Variants in NRDE2 observed in about 807,000 individuals in gnomAD.
NRDE2 encodes the protein NRDE-2, necessary for RNA interference, domain containing, also known as nuclear exosome regulator NRDE2.
Under a neutral mutation model 124.2 loss-of-function variants are expected in NRDE2, and 76 were observed. That is an observed-to-expected ratio of 0.61 (90% CI 0.51 to 0.74). The LOEUF (loss-of-function observed/expected upper bound fraction) is 0.74. Ranked by LOEUF, NRDE2 falls within the 30% of genes least tolerant of loss-of-function variation. NRDE2 has a pLI of 0.00. For synonymous variants in NRDE2, 489 were observed against 528.1 expected (o/e 0.93, Z 1.01); for missense variants, 1,314 against 1,417.3 (o/e 0.93, Z 1.17).
In NRDE2 at chr14:90,272,525, T is replaced by A; in HGVS notation, c.*5811A>T. 2 of 657,668 alleles carry A rather than the reference T, an allele frequency of 3.0e-6. No homozygotes were observed. Among genetic ancestry groups the A allele is most frequent in the Non-Finnish European group, 5.2e-6 (2 of 385,052 alleles). 40.7% of individuals were successfully genotyped at this position (657,668 alleles called of 1,614,324 possible). On this transcript the variant is annotated 3_prime_UTR_variant, in exon 14 of 14. Transcript: ENST00000354366. This position sits in a 1 kb window ranked among gnomAD's most constrained non-coding sequence, Gnocchi z 4.5. The stretch of plus-strand genomic sequence containing the variant: ...CCCACTGATTTTTATTAGCAAAACA[T>A]CCTGTGTCTTTTGGAGTACGATGTG...
At chr14:90,310,613 C>G (rs1321813884) in intron 4 of NRDE2, among the ~76,000 whole-genome samples, 1 of 151,800 alleles carries the variant, frequency 6.6e-6, no homozygotes, top group African/African-American at 2.4e-5. Flanking sequence ...CTCCATCTCC[C>G]AGGTTCAAGC....
intron 9 of NRDE2, among the ~76,000 whole-genome samples, chr14:90,290,931 T>G (rs565482970): frequency 6.6e-6 from 1 of 152,348 alleles, no homozygotes; most frequent in African/African-American, 2.4e-5. Context: ...TCTAGAAACA[T>G]GTTCACTTCT....
At chr14:90,328,077 A>G (rs943192877) in intron 1 of NRDE2, among the ~76,000 whole-genome samples, 38 of 151,568 alleles carry the variant, frequency 2.5e-4, no homozygotes, top group African/African-American at 9.2e-4. Context: ...CGGGAGGCGG[A>G]GCTTGCAGTG....
Position 90,278,313 on chromosome 14 carries a change from A to G in NRDE2, c.*23T>C, listed in dbSNP as rs1280362761. 5.0e-6 allele frequency: 8 copies of G among 1,613,846 alleles called. No individual in the cohort carries two copies. The highest frequency in any genetic ancestry group is 5.9e-6 in the Non-Finnish European group (7 of 1,179,924). On this transcript the variant is annotated 3_prime_UTR_variant, in exon 14 of 14. Transcript: ENST00000354366. Reference sequence around the variant, plus strand: ...GGGTGGGCAACTTGGCCTCGCAGGCACAGCCCGTTTTCCCGCTGCTCTCTA... The same window carrying G: ...GGGTGGGCAACTTGGCCTCGCAGGCGCAGCCCGTTTTCCCGCTGCTCTCTA...
chr14:90,268,564 G>A lies in NRDE2; in HGVS notation c.*9772C>T. ...GCATGCTTTAGGCTCTGCTCTCCCA[G>A]GAGCCAGCTAACAACTGCCCAGTAA... On this transcript the variant is annotated 3_prime_UTR_variant, in exon 14 of 14. Coordinates refer to ENST00000354366, the MANE Select transcript of NRDE2 (RefSeq NM_017970.4). 1 of 715,940 alleles carries A rather than the reference G, an allele frequency of 1.4e-6. No individual in the cohort carries two copies. 44.3% of individuals were successfully genotyped at this position (715,940 alleles called of 1,614,324 possible).
Position 90,288,869 on chromosome 14 carries a change from G to T in NRDE2, c.2506C>A (p.Pro836Thr), listed in dbSNP as rs138749229. The change falls in exon 11 of 14, where the codon CCA becomes ACA. Residue 836 changes from proline (P) to threonine (T), a missense_variant. Pro to Thr is a conservative substitution (Grantham distance 38). Coordinates refer to ENST00000354366, the MANE Select transcript of NRDE2 (RefSeq NM_017970.4). Reference protein sequence around the residue: ...LYAELEVELSPEVRRAATARA... With the variant: ...LYAELEVELSTEVRRAATARA... ...GCTGTGGCAGCCCTTCTCACTTCTG[G>T]CGACAGCTCCACCTCCAGCTCAGCA... The T allele has an allele frequency of 1.4e-4, 219 of 1,614,028 alleles. No individual in the cohort carries two copies. The highest frequency in any genetic ancestry group is 1.8e-4 in the Non-Finnish European group (213 of 1,180,042).
chr14:90,331,494 T>C (rs796087088), intron 1 of NRDE2, among the ~76,000 whole-genome samples: 1 of 152,362 alleles, frequency 6.6e-6, no homozygotes, highest in South Asian at 2.1e-4. Context: ...TGCATTTGCA[T>C]CAAGGGTTTC....
chr14:90,286,947 T>C (rs1287827632), intron 11 of NRDE2, among the ~76,000 whole-genome samples: 2 of 144,648 alleles, frequency 1.4e-5, no homozygotes, highest in Non-Finnish European at 3.0e-5. Flanking sequence ...GGCAGGAGAA[T>C]TGCTTGAACC....
At position 90,304,105 on chromosome 14, in the gene NRDE2, T is replaced by C. The variant is rs761651321; in HGVS notation, c.835A>G (p.Thr279Ala). 9.3e-6 allele frequency: 15 copies of C among 1,614,176 alleles called. 1 individual carries two copies. The highest frequency in any genetic ancestry group is 4.5e-5 in the East Asian group (2 of 44,882). ...CCCTGTCCTTGTAGCCAATGTGTGG[T>C]TGACTGATCATAAATCCCCAGAGGA... ...LNPLGIYDQS[T>A]THWLQGQGPP... The change falls in exon 5 of 14, where the codon ACC (threonine) becomes GCC (alanine). Residue 279 changes from threonine (T) to alanine (A), a missense_variant. Thr to Ala is a moderately conservative substitution (Grantham distance 58). Coordinates refer to ENST00000354366, the MANE Select transcript of NRDE2 (RefSeq NM_017970.4).
intron 1 of NRDE2, among the ~76,000 whole-genome samples, chr14:90,321,249 G>C (rs1418684712): frequency 6.6e-6 from 1 of 151,992 alleles, no homozygotes; most frequent in Non-Finnish European, 1.5e-5. Context: ...TTTTAAATTT[G>C]AGAGATGGGG....
rs552079823 is a variant in NRDE2, at chr14:90,298,196, T to C, written c.1666+64A>G. On this transcript the variant is annotated intron_variant, in intron 8 of 13. Transcript: ENST00000354366. The stretch of plus-strand genomic sequence containing the variant: ...AATAGCTTAAGCAGATAAATAATCA[T>C]GAGGATGTAAAAACAAATTCCAGAA... 1.1e-4 allele frequency: 169 copies of C among 1,543,566 alleles called. No individual in the cohort carries two copies. The African/African-American group carries it at 2.1e-3, about 19-fold the overall frequency.
At position 90,288,776 on chromosome 14, in the gene NRDE2, A is replaced by T; in HGVS notation, c.2599T>A (p.Leu867Met). ...CGCGCTTTCAAAATGTGAACAGCCA[A>T]CACCTGTCCAGTGTAGGGCCCATAG... Reference protein sequence around the residue: ...SPYGPYTGQVLAVHILKARKA... With the variant: ...SPYGPYTGQVMAVHILKARKA... Residue 867 changes from leucine to methionine, a missense_variant, in exon 11 of 14, where the codon TTG becomes ATG. Transcript: ENST00000354366. 6.2e-7 allele frequency: 1 copy of T among 1,614,116 alleles called. No individual in the cohort carries two copies. The highest frequency in any genetic ancestry group is 1.7e-5 in the Admixed American group (1 of 60,024).
chr14:90,318,009 TC>T lies in NRDE2; in HGVS notation c.168del (p.Thr57GlnfsTer5). On this transcript the variant is annotated frameshift_variant, in exon 2 of 14. Coordinates refer to ENST00000354366, the MANE Select transcript of NRDE2 (RefSeq NM_017970.4). LOFTEE classifies it high-confidence loss of function. ...CATCTGTCAAACAAAAACTACCTTGTCAGCGGTAACCCTTCAGAAACATGGG... is the reference window on the plus strand; with the variant it reads ...CATCTGTCAAACAAAAACTACCTTGTAGCGGTAACCCTTCAGAAACATGGG... ...APAHVSEGLP[L>X]TRSHLKSESS... The T allele has an allele frequency of 6.2e-7, 1 of 1,612,886 alleles. No homozygotes were observed. Among genetic ancestry groups the T allele is most frequent in the Non-Finnish European group, 8.5e-7 (1 of 1,179,436 alleles).
At position 90,270,377 on chromosome 14, in the gene NRDE2, A is replaced by G. The variant is rs2139652048; in HGVS notation, c.*7959T>C. On this transcript the variant is annotated 3_prime_UTR_variant, in exon 14 of 14. Transcript: ENST00000354366. ...GGTGAGAGCCTAGCCGTGTCAGCTT[A>G]TTTCTGGGAATGTGGCCGTCAATCA... is the stretch of plus-strand genomic sequence containing the variant. 1 of 1,602,212 alleles carries G rather than the reference A, an allele frequency of 6.2e-7. No homozygotes were observed. Among genetic ancestry groups the G allele is most frequent in the Non-Finnish European group, 8.5e-7 (1 of 1,174,394 alleles).
intron 9 of NRDE2, among the ~76,000 whole-genome samples, chr14:90,291,241 A>G (rs1171735208): frequency 6.6e-6 from 1 of 152,210 alleles, no homozygotes; most frequent in Non-Finnish European, 1.5e-5. Flanking sequence ...CAAGGAGGCC[A>G]CCCTTTGTGT....
chr14:90,331,812 T>C (rs1484945680), intron 1 of NRDE2, 29 bp downstream of exon 1: 11 of 1,612,774 alleles, frequency 6.8e-6, no homozygotes, highest in Non-Finnish European at 9.3e-6. Flanking sequence ...GCCCCCCAGG[T>C]GCCTTCTTCG....
Position 90,270,070 on chromosome 14 carries a change from A to T in NRDE2, c.*8266T>A. 1 of 948,994 alleles carries T rather than the reference A, an allele frequency of 1.1e-6. No individual in the cohort carries two copies. Among genetic ancestry groups the T allele is most frequent in the Non-Finnish European group, 1.6e-6 (1 of 643,756 alleles). The allele number at this position is 948,994 out of a possible 1,614,324, so 58.8% of individuals were successfully genotyped here. A position where few individuals can be genotyped will look rare whatever the true frequency, so the allele number is the denominator to read the frequency against. Reference sequence around the variant, plus strand: ...AATATATGTTTACTTTTTAAAATTTAGACATCCTTCCCACAGAATTCTGTC... The same window carrying T: ...AATATATGTTTACTTTTTAAAATTTTGACATCCTTCCCACAGAATTCTGTC... On this transcript the variant is annotated 3_prime_UTR_variant, in exon 14 of 14. Transcript: ENST00000354366.
In NRDE2 at chr14:90,288,908, G is replaced by A. The variant is rs1489107549; in HGVS notation, c.2467C>T (p.Leu823Phe). The A allele has an allele frequency of 6.2e-7, 1 of 1,613,970 alleles. No individual in the cohort carries two copies. The highest frequency in any genetic ancestry group is 8.5e-7 in the Non-Finnish European group (1 of 1,179,844). Residue 823 changes from leucine (L) to phenylalanine (F), a missense_variant, in exon 11 of 14, where the codon CTC (leucine) becomes TTC (phenylalanine). Coordinates refer to ENST00000354366, the MANE Select transcript of NRDE2 (RefSeq NM_017970.4). ...RELKDSDLCE[L>F]SLLYAELEVE... ...TCCAGCTCAGCATAGAGCAGACTGA[G>A]CTCACAGAGGTCAGAGTCTTTCAGT...
At chr14:90,301,603 C>T (rs1048682638) in intron 6 of NRDE2, among the ~76,000 whole-genome samples, 1 of 152,090 alleles carries the variant, frequency 6.6e-6, no homozygotes, top group African/African-American at 2.4e-5. Context: ...CAAATATTAA[C>T]AACAAAAACT....
Sources: gnomAD v4.1 joint callset for allele counts (sites outside exome capture counted in the v4.1 genomes callset) on GRCh38, gnomAD v4.1.1 for gene constraint, Gnocchi (gnomAD v3.1) non-coding constraint, MANE v1.5 for transcripts, NCBI Gene and HGNC (gene_info 2026-07-23, HGNC 2026-07-21) for gene names.